Variants in WHAMM observed in about 807,000 individuals in gnomAD.
WHAMM encodes WASP homolog associated with actin, golgi membranes and microtubules, also known as WASP homolog-associated protein with actin, membranes and microtubules.
In WHAMM, 67 loss-of-function variants were observed where a neutral mutation model predicts 76.5. The ratio of observed to expected loss-of-function variants is 0.88; its 90% CI spans 0.72 to 1.07. WHAMM has a LOEUF of 1.07. Ranked by LOEUF, WHAMM falls within the 50% of genes least tolerant of loss-of-function variation. The pLI is 0.00. For synonymous variants in WHAMM, 419 were observed against 422.1 expected (o/e 0.99, Z 0.09); for missense variants, 1,021 against 1,051.1 (o/e 0.97, Z 0.40).
intron 8 of WHAMM, 134 bp downstream of exon 8, chr15:82,826,980 C>T: frequency 9.9e-7 from 1 of 1,010,200 alleles, no homozygotes; most frequent in Non-Finnish European, 1.4e-6. Context: ...ACCATTATTT[C>T]TGGTATATCA....
chr15:82,826,735 A>ATT lies in WHAMM; in HGVS notation c.1546-14_1546-13dup. Reference sequence around the variant, plus strand: ...AATGTTGAGCAATTTACAAATATACATTTGTTTAAATATAGAAAAGAGACA... The same window carrying ATT: ...AATGTTGAGCAATTTACAAATATACATTTTTGTTTAAATATAGAAAAGAGACA... On this transcript the variant is annotated splice_polypyrimidine_tract_variant and intron_variant, in intron 7 of 9. Transcript: ENST00000286760. 1 of 1,534,472 alleles carries ATT rather than the reference A, an allele frequency of 6.5e-7. No homozygotes were observed. Among genetic ancestry groups the ATT allele is most frequent in the Non-Finnish European group, 8.7e-7 (1 of 1,142,962 alleles).
rs963390258 is a variant in WHAMM at position 82,835,901 on chromosome 15, T to C, written c.*2365T>C. 3 of 152,264 alleles carry C rather than the reference T, an allele frequency of 2.0e-5. No homozygotes were observed. Among genetic ancestry groups the C allele is most frequent in the African/African-American group, 7.2e-5 (3 of 41,472 alleles). The allele number at this position is 152,264 out of a possible 1,614,324, so 9.4% of individuals were successfully genotyped here. ...ATTGAAAAAGTAGCAAAATCACAACTTTGTGGGACTTTTCTTATGCATATT... is the reference window on the plus strand; with the variant it reads ...ATTGAAAAAGTAGCAAAATCACAACCTTGTGGGACTTTTCTTATGCATATT... On this transcript the variant is annotated 3_prime_UTR_variant, in exon 10 of 10. Transcript: ENST00000286760.
chr15:82,829,206 C>T (rs1596287874), intron 8 of WHAMM, among the ~76,000 whole-genome samples: 1 of 152,224 alleles, frequency 6.6e-6, no homozygotes, highest in Admixed American at 6.5e-5. Context: ...CGCCATGGCT[C>T]ACGCCTGTAA....
chr15:82,818,220 T>C (rs2050760132), intron 4 of WHAMM, 131 bp downstream of exon 4: 1 of 924,040 alleles, frequency 1.1e-6, no homozygotes, highest in Non-Finnish European at 1.6e-6. Flanking sequence ...TTTGGGCTTT[T>C]AGTGTAATCA....
At chr15:82,810,916 T>A (rs956296099) in intron 1 of WHAMM, among the ~76,000 whole-genome samples, 1 of 151,750 alleles carries the variant, frequency 6.6e-6, no homozygotes, top group Admixed American at 6.6e-5. Flanking sequence ...TGAGAGAGAG[T>A]AATTATTTGA....
Position 82,830,753 on chromosome 15 carries a change from C to G in WHAMM, c.1796C>G (p.Ser599Trp). 7 of 1,613,924 alleles carry G rather than the reference C, an allele frequency of 4.3e-6. No individual in the cohort carries two copies. Among genetic ancestry groups the G allele is most frequent in the South Asian group, 3.3e-5 (3 of 91,080 alleles). The change falls in exon 9 of 10, where the codon TCG (serine) becomes TGG (tryptophan). Residue 599 changes from serine (S) to tryptophan (W), a missense_variant. This residue lies in a region of WHAMM where 509 missense variants were observed against 492.3 expected (regional missense o/e 1.03). Coordinates refer to ENST00000286760, the MANE Select transcript of WHAMM (RefSeq NM_001080435.3). ...SSRKTRGVPL[S>W]EAGNVKSPKC... ...AGGAAAACTAGAGGTGTTCCCCTAT[C>G]GGAAGCTGGTAATGTGAAAAGCCCC...
Position 82,810,114 on chromosome 15 carries a change from C to G in WHAMM, c.388C>G (p.Leu130Val). ...TCTGGGGCTCGGGCTGTGGGCGCTG[C>G]TGTGGCCGACGCGCGCGGGTCCCGG... is the stretch of plus-strand genomic sequence containing the variant. ...WGLGLGLWAL[L>V]WPTRAGPGEA... The change falls in exon 1 of 10, where the codon CTG becomes GTG. Residue 130 changes from leucine (L) to valine (V), a missense_variant. Physicochemically the swap from Leu to Val is conservative, Grantham distance 32. Around this residue, in one of 3 missense-constraint regions of WHAMM, gnomAD observed 501 missense variants for 524.9 expected, o/e 0.95. Coordinates refer to ENST00000286760, the MANE Select transcript of WHAMM (RefSeq NM_001080435.3). The G allele has an allele frequency of 7.5e-7, 1 of 1,338,818 alleles. No individual in the cohort carries two copies. The highest frequency in any genetic ancestry group is 9.6e-7 in the Non-Finnish European group (1 of 1,038,572). The allele number at this position is 1,338,818 out of a possible 1,614,324, so 82.9% of individuals were successfully genotyped here.
rs2051122086 is a variant in WHAMM, at chr15:82,836,005, ATAAT to A, written c.*2471_*2474del. On this transcript the variant is annotated 3_prime_UTR_variant, in exon 10 of 10. Transcript: ENST00000286760. Reference sequence around the variant, plus strand: ...TACCAGCGAGCTTAATCAGGCTAAAATAATTCTCAGAATTTGCTTTCTAAGGGCT... The same window carrying A: ...TACCAGCGAGCTTAATCAGGCTAAAATCTCAGAATTTGCTTTCTAAGGGCT... 6.6e-6 allele frequency: 1 copy of A among 152,284 alleles called. No individual in the cohort carries two copies. Among genetic ancestry groups the A allele is most frequent in the South Asian group, 2.1e-4 (1 of 4,836 alleles). 9.4% of individuals were successfully genotyped at this position (152,284 alleles called of 1,614,324 possible).
rs55747156 is a variant in WHAMM at position 82,834,708 on chromosome 15, A to C, written c.*1172A>C. On this transcript the variant is annotated 3_prime_UTR_variant, in exon 10 of 10. Coordinates refer to ENST00000286760, the MANE Select transcript of WHAMM (RefSeq NM_001080435.3). ...ATTTATTTTAGGCACCAAGCACTAC[A>C]TAAACTCATAATAACTATTTGCAAT... 0.03 allele frequency: 4,633 copies of C among 152,738 alleles called. 86 individuals are homozygous for C. Among genetic ancestry groups the C allele is most frequent in the Non-Finnish European group, 0.046 (3,128 of 68,026 alleles). 9.5% of individuals were successfully genotyped at this position (152,738 alleles called of 1,614,324 possible).
intron 9 of WHAMM, among the ~76,000 whole-genome samples, chr15:82,832,514 A>G (rs538980593): frequency 6.6e-6 from 1 of 152,054 alleles, no homozygotes; most frequent in African/African-American, 2.4e-5. Context: ...GCTTCTCCTC[A>G]CCAATGCCTT....
chr15:82,829,109 A>G (rs889265529), intron 8 of WHAMM, among the ~76,000 whole-genome samples: 3 of 152,236 alleles, frequency 2.0e-5, no homozygotes, highest in Non-Finnish European at 2.9e-5. Flanking sequence ...AGTTTTTTGA[A>G]TATCTGAAGG....
intron 1 of WHAMM, among the ~76,000 whole-genome samples, chr15:82,812,588 G>T (rs2050648051): frequency 6.6e-6 from 1 of 152,100 alleles, no homozygotes; most frequent in Admixed American, 6.6e-5. Flanking sequence ...AAAGTGAAAT[G>T]AAAAAATATC....
intron 6 of WHAMM, among the ~76,000 whole-genome samples, chr15:82,825,602 A>C (rs184586807): frequency 6.6e-6 from 1 of 152,138 alleles, no homozygotes; most frequent in African/African-American, 2.4e-5. Flanking sequence ...AATTACTTAA[A>C]TCTCTTTCGA....
chr15:82,816,089 CTCT>C (rs1352427027), intron 2 of WHAMM, among the ~76,000 whole-genome samples: 1 of 152,066 alleles, frequency 6.6e-6, no homozygotes, highest in East Asian at 1.9e-4. Context: ...CCTGTGTCTC[CTCT>C]TCTTTTTATA....
chr15:82,819,526 T>C (rs760650850), intron 5 of WHAMM, 38 bp downstream of exon 5: 3 of 1,046,876 alleles, frequency 2.9e-6, no homozygotes, highest in Non-Finnish European at 3.9e-6. Context: ...GTTTAAATTA[T>C]AAATTTAAGG....
chr15:82,824,495 A>T (rs2050896640), intron 6 of WHAMM, among the ~76,000 whole-genome samples: 1 of 151,910 alleles, frequency 6.6e-6, no homozygotes, highest in African/African-American at 2.4e-5. Context: ...TAATTTTTGT[A>T]TTTTTAGTAG....
chr15:82,810,400 C>A, intron 1 of WHAMM, 65 bp downstream of exon 1: 3 of 1,234,204 alleles, frequency 2.4e-6, no homozygotes, highest in Middle Eastern at 3.2e-4. Context: ...GTGGGAGGCT[C>A]CCCCGGCGCC....
chr15:82,817,801 T>C (rs1363184901), intron 3 of WHAMM, 119 bp from the exon 4 acceptor site: 1 of 763,442 alleles, frequency 1.3e-6, no homozygotes, highest in African/African-American at 1.8e-5. Context: ...GTTAATAAAA[T>C]TTCTTTTAAA....
chr15:82,822,051 A>T (rs1158073798), intron 5 of WHAMM, among the ~76,000 whole-genome samples: 2 of 152,208 alleles, frequency 1.3e-5, no homozygotes, highest in African/African-American at 2.4e-5. Context: ...ATTGTTCATA[A>T]TGTTTTTCCT....
Sources: allele counts gnomAD v4.1 joint callset (sites outside exome capture counted in the v4.1 genomes callset), GRCh38; gene constraint gnomAD v4.1.1; regional missense constraint gnomAD v4.1.1; transcripts MANE v1.5; gene names NCBI Gene and HGNC (gene_info 2026-07-23, HGNC 2026-07-21).